SACS: variants seen among roughly 807,000 people sequenced by gnomAD.
SACS encodes sacsin.
Under a neutral mutation model 348.0 loss-of-function variants are expected in SACS, and 197 were observed. The ratio of observed to expected loss-of-function variants is 0.57; its 90% confidence interval spans 0.50 to 0.64. The LOEUF (loss-of-function observed/expected upper bound fraction) is 0.64, where lower values mean the gene tolerates loss of function less well. Ranked by LOEUF, SACS falls within the 30% of genes least tolerant of loss-of-function variation. SACS has a pLI of 0.00. For missense variants in SACS, 4,999 were observed against 5,360.8 expected (o/e 0.93, Z 2.11); for synonymous variants, 1,985 against 1,910.6 (o/e 1.04, Z -1.02).
rs775877299 is a variant in SACS at position 23,335,556 on chromosome 13, T to C, written c.8320A>G (p.Arg2774Gly). Residue 2774 changes from arginine (R) to glycine (G), a missense_variant, in exon 10 of 10, where the codon AGA becomes GGA. Physicochemically the swap from Arg to Gly is moderately radical, Grantham distance 125. Coordinates refer to ENST00000382292, the MANE Select transcript of SACS (RefSeq NM_014363.6). This position sits in a 1 kb window ranked among gnomAD's most constrained non-coding sequence, Gnocchi z 4.7. ...GCATGAAATTGTTTCCTTTTCAATC[T>C]GTCTCCATCTGTGATTTTGCCCTTT... ...SVKGKITDGD[R>G]LKRKQFHASV... 6.2e-7 allele frequency: 1 copy of C among 1,613,778 alleles called. No homozygotes were observed. Among genetic ancestry groups the C allele is most frequent in the South Asian group, 1.1e-5 (1 of 91,074 alleles).
chr13:23,379,510 A>G (rs1164280055), intron 2 of SACS, among the ~76,000 whole-genome samples: 1 of 152,144 alleles, frequency 6.6e-6, no homozygotes, highest in Non-Finnish European at 1.5e-5. Context: ...GCTGGAAAAT[A>G]CAGGGAGCAG....
At chr13:23,401,760 G>A (rs1363569308) in intron 2 of SACS, among the ~76,000 whole-genome samples, 2 of 152,176 alleles carry the variant, frequency 1.3e-5, no homozygotes, top group Non-Finnish European at 1.5e-5. Context: ...GCAATCACAG[G>A]CCGAAGTGCT....
Position 23,333,674 on chromosome 13 carries a change from T to G in SACS, c.10202A>C (p.Gln3401Pro). ...FNCNLNHLMS[Q>P]DDIKILKSLP... ...TGACTTTAGAATTTTTATATCATCT[T>G]GGGACATCAAATGATTCAAATTGCA... The change falls in exon 10 of 10, where the codon CAA becomes CCA. Residue 3401 changes from glutamine (Q) to proline (P), a missense_variant. Physicochemically the swap from Gln to Pro is moderately conservative, Grantham distance 76. Transcript: ENST00000382292. The G allele has an allele frequency of 6.2e-7, 1 of 1,613,790 alleles. No individual in the cohort carries two copies. Among genetic ancestry groups the G allele is most frequent in the Non-Finnish European group, 8.5e-7 (1 of 1,179,752 alleles).
At position 23,329,317 on chromosome 13, in the gene SACS, T is replaced by G. The variant is rs1883322209; in HGVS notation, c.*819A>C. The stretch of plus-strand genomic sequence containing the variant: ...TTGCATCCTGTTCAACCACACTATA[T>G]AAATTATAACATTTGTGGAAAATAT... On this transcript the variant is annotated 3_prime_UTR_variant, in exon 10 of 10. Transcript: ENST00000382292. 4.7e-6 allele frequency: 3 copies of G among 640,088 alleles called. No homozygotes were observed. In the South Asian group the frequency reaches 5.8e-5, roughly 12 times the overall value. 39.7% of individuals were successfully genotyped at this position (640,088 alleles called of 1,614,324 possible).
In SACS at chr13:23,333,332, T is replaced by C. The variant is rs1383665305; in HGVS notation, c.10544A>G (p.Glu3515Gly). The C allele has an allele frequency of 6.2e-7, 1 of 1,601,354 alleles. No homozygotes were observed. Among genetic ancestry groups the C allele is most frequent in the Non-Finnish European group, 8.5e-7 (1 of 1,175,904 alleles). ...ACTTTCCAGTTTTTCAAAAAGTTGT[T>C]CCTTAATCTCTGATAATTCCTCAGC... Reference protein sequence around the residue: ...SSAEELSEIKEQLFEKLESLL... With the variant: ...SSAEELSEIKGQLFEKLESLL... Residue 3515 changes from glutamate to glycine, a missense_variant, in exon 10 of 10, where the codon GAA (glutamate) becomes GGA (glycine). By Grantham distance (98) the Glu-to-Gly change is moderately conservative. Coordinates refer to ENST00000382292, the MANE Select transcript of SACS (RefSeq NM_014363.6).
rs61548169 is a variant in SACS, at chr13:23,339,758, G to A, written c.4118C>T (p.Ala1373Val). ...IRWLYSNQIP[A>V]SPNTPVPIHH... ...TATAGGAACTGGTGTGTTGGGGCTTGCTGGAATCTGATTGCTATACAGCCA... is the reference window on the plus strand; with the variant it reads ...TATAGGAACTGGTGTGTTGGGGCTTACTGGAATCTGATTGCTATACAGCCA... Residue 1373 changes from alanine (A) to valine (V), a missense_variant, in exon 10 of 10, where the codon GCA (alanine) becomes GTA (valine). Around this residue, in one of 6 missense-constraint regions of SACS, gnomAD observed 3,156 missense variants for 3,380.1 expected, o/e 0.93. Transcript: ENST00000382292. 1,867 of 1,614,106 alleles carry A rather than the reference G, an allele frequency of 1.2e-3. 19 individuals carry two copies. In the African/African-American group the frequency reaches 0.022, roughly 19 times the overall value.
intron 9 of SACS, among the ~76,000 whole-genome samples, chr13:23,350,093 G>A (rs1041569953): frequency 6.6e-6 from 1 of 152,184 alleles, no homozygotes; most frequent in African/African-American, 2.4e-5. Flanking sequence ...ATGCCAAGAA[G>A]GAATGGTATC....
At chr13:23,400,880 A>G (rs1011170194) in intron 2 of SACS, among the ~76,000 whole-genome samples, 3 of 152,146 alleles carry the variant, frequency 2.0e-5, no homozygotes, top group African/African-American at 7.2e-5. Context: ...GTTTTCCCAT[A>G]AGGCCCTTGG....
At chr13:23,399,924 GC>G (rs1401733884) in intron 2 of SACS, among the ~76,000 whole-genome samples, 2 of 152,084 alleles carry the variant, frequency 1.3e-5, no homozygotes, top group Non-Finnish European at 2.9e-5. Flanking sequence ...CTTGTGATAA[GC>G]CCCCTCACCC....
intron 2 of SACS, among the ~76,000 whole-genome samples, chr13:23,379,621 GT>G (rs1160040951): frequency 6.6e-6 from 1 of 152,206 alleles, no homozygotes; most frequent in Non-Finnish European, 1.5e-5. Context: ...ATTCTGTGGT[GT>G]TGAGTAAACG....
At position 23,334,415 on chromosome 13, in the gene SACS, G is replaced by A; in HGVS notation, c.9461C>T (p.Pro3154Leu). The change falls in exon 10 of 10, where the codon CCC becomes CTC. Residue 3154 changes from proline (P) to leucine (L), a missense_variant. Physicochemically the swap from Pro to Leu is moderately conservative, Grantham distance 98. This residue lies in a region of SACS where 734 missense variants were observed against 694.0 expected (regional missense o/e 1.06). Transcript: ENST00000382292. ...EENEIEVEGL[P>L]LLITLDSVLQ... is the part of the protein sequence containing the mutation. The stretch of plus-strand genomic sequence containing the variant: ...AACACTGTCCAGTGTGATGAGAAGG[G>A]GCAATCCCTCAACTTCAATCTCATT... 1 of 1,612,750 alleles carries A rather than the reference G, an allele frequency of 6.2e-7. No homozygotes were observed. The highest frequency in any genetic ancestry group is 8.5e-7 in the Non-Finnish European group (1 of 1,179,724).
intron 9 of SACS, chr13:23,346,754 G>C (rs1252773248): frequency 2.6e-5 from 23 of 875,804 alleles, no homozygotes; most frequent in Non-Finnish European, 3.2e-5. Flanking sequence ...AGAATTCGAA[G>C]AGCCAAATGA....
rs959026715 is a variant in SACS, at chr13:23,329,220, ACTC to A, written c.*913_*915del. ...TTTTGATGTTTTTAAAGTTAAAAAAACTCCACTACATGCCATATTGAAAGAAAA... is the reference window on the plus strand; with the variant it reads ...TTTTGATGTTTTTAAAGTTAAAAAAACACTACATGCCATATTGAAAGAAAA... On this transcript the variant is annotated 3_prime_UTR_variant, in exon 10 of 10. Coordinates refer to ENST00000382292, the MANE Select transcript of SACS (RefSeq NM_014363.6). 5.8e-5 allele frequency: 27 copies of A among 466,266 alleles called. No individual in the cohort carries two copies. The highest frequency in any genetic ancestry group is 4.5e-4 in the African/African-American group (22 of 48,868). The allele number at this position is 466,266 out of a possible 1,614,324, so 28.9% of individuals were successfully genotyped here.
In SACS at chr13:23,329,075, ATATGT is replaced by A. The variant is rs1195693351; in HGVS notation, c.*1056_*1060del. The A allele has an allele frequency of 4.0e-5, 8 of 201,412 alleles. No homozygotes were observed. The South Asian group carries it at 7.2e-4, about 18-fold the overall frequency. The allele number at this position is 201,412 out of a possible 1,614,324, so 12.5% of individuals were successfully genotyped here. A position where few individuals can be genotyped will look rare whatever the true frequency, so the allele number is the denominator to read the frequency against. On this transcript the variant is annotated 3_prime_UTR_variant, in exon 10 of 10. Coordinates refer to ENST00000382292, the MANE Select transcript of SACS (RefSeq NM_014363.6). ...TTACCTTTTACATTCTGCAAAAGAA[ATATGT>A]TAAAGTAAAGAAGCATGGCGAGACA...
intron 2 of SACS, among the ~76,000 whole-genome samples, chr13:23,401,622 GTT>G (rs2137930078): frequency 6.6e-6 from 1 of 152,286 alleles, no homozygotes; most frequent in East Asian, 1.9e-4. Flanking sequence ...AATTTTGGAG[GTT>G]CACACATGCC....
rs781752874 is a variant in SACS at position 23,337,922 on chromosome 13, C to T, written c.5954G>A (p.Trp1985Ter). ...AAATCTTACGTTCTTCATGGAAACC[C>T]AAGTAGATCCATCAGAGAAGACTTT... ...LTKVFSDGST[W>*]VSMKNVRFLD... Residue 1985 changes from tryptophan to a stop codon, truncating the protein, a stop_gained, in exon 10 of 10, where the codon TGG (tryptophan) becomes TAG (stop). Transcript: ENST00000382292. LOFTEE classifies it high-confidence loss of function. 1 of 1,613,920 alleles carries T rather than the reference C, an allele frequency of 6.2e-7. No individual in the cohort carries two copies. Among genetic ancestry groups the T allele is most frequent in the South Asian group, 1.1e-5 (1 of 91,070 alleles).
chr13:23,341,212 C>G lies in SACS; in HGVS notation c.2664G>C (p.Leu888Phe). 6.2e-7 allele frequency: 1 copy of G among 1,613,914 alleles called. No individual in the cohort carries two copies. Among genetic ancestry groups the G allele is most frequent in the Non-Finnish European group, 8.5e-7 (1 of 1,180,026 alleles). ...QIMEKMPLQKLCNQITSLLPT... is the reference protein window; with the variant it reads ...QIMEKMPLQKFCNQITSLLPT... ...GAAGTAGCGAAGTTATTTGATTACA[C>G]AATTTCTGCAATGGCATCTTCTCCA... Residue 888 changes from leucine to phenylalanine, a missense_variant, in exon 10 of 10, where the codon TTG (leucine) becomes TTC (phenylalanine). Physicochemically the swap from Leu to Phe is conservative, Grantham distance 22. Coordinates refer to ENST00000382292, the MANE Select transcript of SACS (RefSeq NM_014363.6).
chr13:23,402,908 T>C (rs1593174702), intron 2 of SACS, among the ~76,000 whole-genome samples: 1 of 152,204 alleles, frequency 6.6e-6, no homozygotes, highest in South Asian at 2.1e-4. Context: ...CCGGGCATGG[T>C]GGCTCACGCC....
intron 9 of SACS, among the ~76,000 whole-genome samples, chr13:23,347,002 C>T (rs1170311086): frequency 6.6e-6 from 1 of 152,164 alleles, no homozygotes. Context: ...TAGCAGAATA[C>T]ACATCTAAGA....
Sources: allele counts gnomAD v4.1 joint callset (sites outside exome capture counted in the v4.1 genomes callset), GRCh38; gene constraint gnomAD v4.1.1; regional missense constraint gnomAD v4.1.1; non-coding constraint Gnocchi (gnomAD v3.1); transcripts MANE v1.5; gene names NCBI Gene and HGNC (gene_info 2026-07-23, HGNC 2026-07-21).